Variants in CCDC154 observed in about 807,000 individuals in gnomAD.
CCDC154 encodes the protein coiled-coil domain containing 154, also known as coiled-coil domain-containing protein 154.
In CCDC154, 91 loss-of-function variants were observed where a neutral mutation model predicts 87.5. That is an observed-to-expected ratio of 1.04 (90% CI 0.88 to 1.24). CCDC154 has a LOEUF of 1.24. CCDC154 is among the 50% of genes most tolerant of loss of function. CCDC154 has a pLI of 0.00. For missense variants in CCDC154, 903 were observed against 879.2 expected (o/e 1.03, Z -0.34); for synonymous variants, 418 against 400.4 (o/e 1.04, Z -0.52).
rs2038500616 is a variant in CCDC154, at chr16:1,436,229, G to T, written c.1488-143C>A. The T allele has an allele frequency of 1.9e-5, 16 of 841,554 alleles. No homozygotes were observed. In the Admixed American group the frequency reaches 4.1e-4, roughly 22 times the overall value. 52.1% of individuals were successfully genotyped at this position (841,554 alleles called of 1,614,324 possible). A position where few individuals can be genotyped will look rare whatever the true frequency, so the allele number is the denominator to read the frequency against. On this transcript the variant is annotated intron_variant, in intron 13 of 16. Transcript: ENST00000389176. The stretch of plus-strand genomic sequence containing the variant: ...CCCTGTCACCCCTCCAGTGGGGAAG[G>T]TGGGGGTCCCCAACGGGGGGTAGAG...
chr16:1,438,891 C>A lies in CCDC154; in HGVS notation c.830G>T (p.Gly277Val), dbSNP rs1036855023. ...CTTCTCCCACCGGCTCTCCAGCTCGCCCCGCAGGCTGCCCTCCAGCTTCAG... is the reference window on the plus strand; with the variant it reads ...CTTCTCCCACCGGCTCTCCAGCTCGACCCGCAGGCTGCCCTCCAGCTTCAG... ...SRLKLEGSLR[G>V]ELESRWEKLR... The change falls in exon 8 of 17, where the codon GGC (glycine) becomes GTC (valine). Residue 277 changes from glycine (G) to valine (V), a missense_variant. Coordinates refer to ENST00000389176, the MANE Select transcript of CCDC154 (RefSeq NM_001143980.3). 27 of 1,549,410 alleles carry A rather than the reference C, an allele frequency of 1.7e-5. No homozygotes were observed. Among genetic ancestry groups the A allele is most frequent in the Non-Finnish European group, 2.4e-5 (27 of 1,146,652 alleles).
At chr16:1,442,825 C>T in intron 5 of CCDC154, 55 bp downstream of exon 5, 1 of 1,490,618 alleles carries the variant, frequency 6.7e-7, no homozygotes, top group Non-Finnish European at 9.1e-7. Flanking sequence ...CAGCCAGGGA[C>T]TCTCAAATGA....
In CCDC154 at chr16:1,438,944, C is replaced by T; in HGVS notation, c.778-1G>A. 1 of 1,549,094 alleles carries T rather than the reference C, an allele frequency of 6.5e-7. No homozygotes were observed. Among genetic ancestry groups the T allele is most frequent in the Non-Finnish European group, 8.7e-7 (1 of 1,146,174 alleles). On this transcript the variant is annotated splice_acceptor_variant, in intron 7 of 16. Coordinates refer to ENST00000389176, the MANE Select transcript of CCDC154 (RefSeq NM_001143980.3). LOFTEE classifies it high-confidence loss of function. ...GTGAGCTCTCCGAGGCCTTCATTCT[C>T]TGTGGGGAGACCCCACTGTCAGCTG...
chr16:1,438,970 C>T, intron 7 of CCDC154, 27 bp from the exon 8 acceptor site: 2 of 1,549,074 alleles, frequency 1.3e-6, no homozygotes, highest in Non-Finnish European at 1.7e-6. Context: ...CTGTCAGCTG[C>T]AGGTCTGCGT....
chr16:1,442,291 A>G, intron 6 of CCDC154, 115 bp downstream of exon 6: 1 of 1,171,716 alleles, frequency 8.5e-7, no homozygotes, highest in South Asian at 1.7e-5. Context: ...AGCTGATTTC[A>G]GTGGACACAG....
Position 1,436,381 on chromosome 16 carries a change from AC to A in CCDC154, c.1487+63del. 5.2e-6 allele frequency: 7 copies of A among 1,339,830 alleles called. No individual in the cohort carries two copies. In the South Asian group the frequency reaches 8.7e-5, roughly 17 times the overall value. The allele number at this position is 1,339,830 out of a possible 1,614,324, so 83.0% of individuals were successfully genotyped here. Reference sequence around the variant, plus strand: ...GGGGATTGTGGAGAGTAGCGTGGGGACCGGCCCAGCCCAGTAACGGTCAGCA... The same window carrying A: ...GGGGATTGTGGAGAGTAGCGTGGGGACGGCCCAGCCCAGTAACGGTCAGCA... On this transcript the variant is annotated intron_variant, in intron 13 of 16. Transcript: ENST00000389176.
At chr16:1,443,195 C>A (rs532413347) in intron 4 of CCDC154, 66 bp downstream of exon 4, 2 of 1,532,082 alleles carry the variant, frequency 1.3e-6, no homozygotes, top group Admixed American at 2.1e-5. Context: ...CCCACCACAC[C>A]TGCCGCTGCT....
At chr16:1,437,525 C>A in intron 11 of CCDC154, 1 of 406,758 alleles carries the variant, frequency 2.5e-6, no homozygotes, top group Non-Finnish European at 4.4e-6. Context: ...GGGGTGGAGG[C>A]CGCTTGTCTG....
At chr16:1,439,930 C>T (rs1226831020) in intron 6 of CCDC154, among the ~76,000 whole-genome samples, 1 of 151,208 alleles carries the variant, frequency 6.6e-6, no homozygotes, top group Non-Finnish European at 1.5e-5. Flanking sequence ...TGGTGGATCA[C>T]CTGAGGTCAG....
intron 6 of CCDC154, among the ~76,000 whole-genome samples, chr16:1,441,733 C>A (rs879306033): frequency 1.3e-5 from 2 of 152,074 alleles, no homozygotes; most frequent in Non-Finnish European, 2.9e-5. Context: ...CTTCCTGGGA[C>A]GAAGAGCGCC....
At chr16:1,439,698 C>A (rs544313174) in intron 6 of CCDC154, among the ~76,000 whole-genome samples, 4 of 152,220 alleles carry the variant, frequency 2.6e-5, no homozygotes, top group Admixed American at 6.5e-5. Flanking sequence ...TCCTGCCCCC[C>A]AGGAGGTCAC....
At chr16:1,437,418 T>C (rs2038511973) in intron 11 of CCDC154, 2 of 199,630 alleles carry the variant, frequency 1.0e-5, no homozygotes, top group Admixed American at 5.5e-5. Flanking sequence ...GCTCTGAAAC[T>C]GTGAATAGAC....
chr16:1,443,609 A>C lies in CCDC154; in HGVS notation c.311T>G (p.Leu104Arg), dbSNP rs867422779. Residue 104 changes from leucine to arginine, a missense_variant, in exon 3 of 17, where the codon CTG becomes CGG. Coordinates refer to ENST00000389176, the MANE Select transcript of CCDC154 (RefSeq NM_001143980.3). ...CTGCACGCGGGCCCGCACCTGGAGCAGCTCCCGCAGCAGGCTCCGCGTGGC... is the reference window on the plus strand; with the variant it reads ...CTGCACGCGGGCCCGCACCTGGAGCCGCTCCCGCAGCAGGCTCCGCGTGGC... ...ERATRSLLRE[L>R]LQVRARVQLQ... 3 of 1,429,918 alleles carry C rather than the reference A, an allele frequency of 2.1e-6. No homozygotes were observed. Among genetic ancestry groups the C allele is most frequent in the Admixed American group, 4.5e-5 (2 of 43,984 alleles). The allele number at this position is 1,429,918 out of a possible 1,614,324, so 88.6% of individuals were successfully genotyped here.
chr16:1,444,112 C>T (rs2038587427), intron 1 of CCDC154, 100 bp from the exon 2 acceptor site: 1 of 1,068,904 alleles, frequency 9.4e-7, no homozygotes, highest in Non-Finnish European at 1.2e-6. Flanking sequence ...TCGCCCACCA[C>T]CCAGAGCTCA....
At chr16:1,440,486 G>C (rs545372529) in intron 6 of CCDC154, among the ~76,000 whole-genome samples, 14 of 149,818 alleles carry the variant, frequency 9.3e-5, no homozygotes, top group South Asian at 2.1e-4. Context: ...GAGAAGAGAA[G>C]AGAACAGAAA....
Position 1,442,983 on chromosome 16 carries a change from A to C in CCDC154, c.456-8T>G. 1 of 1,549,776 alleles carries C rather than the reference A, an allele frequency of 6.5e-7. No homozygotes were observed. Among genetic ancestry groups the C allele is most frequent in the South Asian group, 1.2e-5 (1 of 84,052 alleles). ...TCCCGGACCTCCACCAGCCTGGGAC[A>C]CAACAAGCCATTCCCGAGAGGCCCA... On this transcript the variant is annotated splice_polypyrimidine_tract_variant and splice_region_variant and intron_variant, in intron 4 of 16. Coordinates refer to ENST00000389176, the MANE Select transcript of CCDC154 (RefSeq NM_001143980.3).
chr16:1,435,777 C>T (rs1221552970), intron 14 of CCDC154, among the ~76,000 whole-genome samples, 192 bp downstream of exon 14: 1 of 152,150 alleles, frequency 6.6e-6, no homozygotes, highest in African/African-American at 2.4e-5. Context: ...CCACCCGCCT[C>T]GGCCTCCCAA....
At position 1,434,678 on chromosome 16, in the gene CCDC154, G is replaced by C. The variant is rs1053234455; in HGVS notation, c.1867C>G (p.Gln623Glu). The C allele has an allele frequency of 4.5e-6, 7 of 1,546,366 alleles. No individual in the cohort carries two copies. The highest frequency in any genetic ancestry group is 3.6e-5 in the South Asian group (3 of 84,046). The change falls in exon 16 of 17, where the codon CAG (glutamine) becomes GAG (glutamate). Residue 623 changes from glutamine (Q) to glutamate (E), a missense_variant. Transcript: ENST00000389176. Reference protein sequence around the residue: ...VVPMNCWGVYQAVRWLRWKAS... With the variant: ...VVPMNCWGVYEAVRWLRWKAS... ...ATCCCTGCTGCCCACCTCACAGCCT[G>C]GTACACGCCCCAGCAGTTCATGGGC...
chr16:1,438,371 C>T (rs1412531485), intron 9 of CCDC154, 195 bp from the exon 10 acceptor site: 12 of 799,754 alleles, frequency 1.5e-5, no homozygotes, highest in Admixed American at 3.0e-5. Flanking sequence ...CTCCCCACGG[C>T]CACCAAGACA....
Sources: allele counts gnomAD v4.1 joint callset (sites outside exome capture counted in the v4.1 genomes callset), GRCh38; gene constraint gnomAD v4.1.1; transcripts MANE v1.5; gene names NCBI Gene and HGNC (gene_info 2026-07-23, HGNC 2026-07-21).